The following CEP70 variants were observed in gnomAD, a reference collection of about 807,000 sequenced individuals.
CEP70 encodes the protein centrosomal protein 70.
In CEP70, 70 loss-of-function variants were observed where a neutral mutation model predicts 90.9. The observed-to-expected ratio is 0.77, with a 90% CI of 0.64 to 0.94. The LOEUF (loss-of-function observed/expected upper bound fraction) is 0.94, where lower values mean the gene tolerates loss of function less well. CEP70 is among the 40% of genes least tolerant of loss of function. The pLI is 0.00. For missense variants in CEP70, 648 were observed against 669.0 expected (o/e 0.97, Z 0.35); for synonymous variants, 220 against 228.3 (o/e 0.96, Z 0.33).
intron 3 of CEP70, 115 bp downstream of exon 3, chr3:138,572,744 T>C: frequency 1.3e-6 from 1 of 757,352 alleles, no homozygotes; most frequent in Non-Finnish European, 2.3e-6. Context: ...TAACCCAGCA[T>C]TTCCTAAAAT....
intron 6 of CEP70, among the ~76,000 whole-genome samples, chr3:138,565,510 A>G (rs2040718318): frequency 6.6e-6 from 1 of 152,226 alleles, no homozygotes; most frequent in African/African-American, 2.4e-5. Context: ...AATGGGACAG[A>G]ACAGAGGCCA....
At position 138,509,225 on chromosome 3, in the gene CEP70, C is replaced by T. The variant is rs142727706; in HGVS notation, c.945-681G>A. 1.6e-3 allele frequency among the ~76,000 whole-genome samples: 245 copies of T among 152,248 alleles called. 1 individual carries two copies. The highest frequency in any genetic ancestry group is 5.7e-3 in the African/African-American group (236 of 41,544). ...AAGGATGGAAGCGACTTCCATCCAA[C>T]GTGCTCCAAGATCACAGACTACAGA... On this transcript the variant is annotated intron_variant, in intron 11 of 17. Coordinates refer to ENST00000264982, the MANE Select transcript of CEP70 (RefSeq NM_024491.4).
chr3:138,515,705 CTATT>C (rs1229190260), intron 11 of CEP70, among the ~76,000 whole-genome samples: 1 of 152,144 alleles, frequency 6.6e-6, no homozygotes, highest in African/African-American at 2.4e-5. Flanking sequence ...AATATGGAAT[CTATT>C]AATAATGAAG....
At position 138,585,833 on chromosome 3, in the gene CEP70, A is replaced by C. The variant is rs373521943; in HGVS notation, c.-6+6021T>G. On this transcript the variant is annotated intron_variant, in intron 2 of 17. Coordinates refer to ENST00000264982, the MANE Select transcript of CEP70 (RefSeq NM_024491.4). ...GAATGGTGCTGGGATATCCATATGC[A>C]GAAGAATGGAACTAGACCCCTATCT... Among the ~76,000 whole-genome samples the C allele has an allele frequency of 3.3e-5, 5 of 152,310 alleles. No individual in the cohort carries two copies. The East Asian group carries it at 5.8e-4, about 18-fold the overall frequency.
chr3:138,560,617 T>C (rs115456392), intron 6 of CEP70, among the ~76,000 whole-genome samples: 1 of 152,162 alleles, frequency 6.6e-6, no homozygotes, highest in African/African-American at 2.4e-5. Context: ...AGCTAAGATA[T>C]GCTGGCTTGA....
At chr3:138,591,800 G>T in intron 2 of CEP70, 54 bp downstream of exon 2, 2 of 1,457,768 alleles carry the variant, frequency 1.4e-6, no homozygotes, top group Admixed American at 2.0e-5. Flanking sequence ...ATAAATATTA[G>T]ATTTTTTTCC....
At chr3:138,499,398 T>G (rs540314590) in intron 16 of CEP70, among the ~76,000 whole-genome samples, 16 of 152,186 alleles carry the variant, frequency 1.1e-4, no homozygotes, top group Non-Finnish European at 2.1e-4. Flanking sequence ...ATACTATTAA[T>G]GATTATTCAG....
chr3:138,565,576 C>T (rs1406494339), intron 6 of CEP70, among the ~76,000 whole-genome samples: 1 of 152,146 alleles, frequency 6.6e-6, no homozygotes, highest in African/African-American at 2.4e-5. Flanking sequence ...CTGACAAAAA[C>T]AAGAAATGGG....
At chr3:138,592,666 C>A (rs558865972) in intron 1 of CEP70, among the ~76,000 whole-genome samples, 1 of 151,980 alleles carries the variant, frequency 6.6e-6, no homozygotes, top group African/African-American at 2.4e-5. Flanking sequence ...CTAGGTTTCC[C>A]GAGTCTTTCA....
At chr3:138,508,966 C>T (rs1054834292) in intron 11 of CEP70, among the ~76,000 whole-genome samples, 1 of 152,100 alleles carries the variant, frequency 6.6e-6, no homozygotes, top group Non-Finnish European at 1.5e-5. Flanking sequence ...ATCTCCTGAC[C>T]TCGTGATCCA....
intron 13 of CEP70, among the ~76,000 whole-genome samples, chr3:138,502,384 T>C (rs552836149): frequency 2.0e-4 from 31 of 152,294 alleles, no homozygotes; most frequent in Admixed American, 7.2e-4. Flanking sequence ...TAACTTATTT[T>C]AGTACTTCAC....
intron 6 of CEP70, among the ~76,000 whole-genome samples, chr3:138,549,028 G>C (rs1045170854): frequency 1.3e-5 from 2 of 152,170 alleles, no homozygotes; most frequent in African/African-American, 2.4e-5. Context: ...TAAAGGGGTA[G>C]AGGAAGGAAT....
In CEP70 at chr3:138,565,518, C is replaced by T. The variant is rs142910730; in HGVS notation, c.465+4800G>A. Among the ~76,000 whole-genome samples, 439 of 152,172 alleles carry T rather than the reference C, an allele frequency of 2.9e-3. 4 individuals are homozygous for T. Among genetic ancestry groups the T allele is most frequent in the African/African-American group, 0.01 (423 of 41,512 alleles). Reference sequence around the variant, plus strand: ...ATAGATCAATGGGACAGAACAGAGGCCACAGAAATGACACCACACATCTAC... The same window carrying T: ...ATAGATCAATGGGACAGAACAGAGGTCACAGAAATGACACCACACATCTAC... On this transcript the variant is annotated intron_variant, in intron 6 of 17. Coordinates refer to ENST00000264982, the MANE Select transcript of CEP70 (RefSeq NM_024491.4).
In CEP70 at chr3:138,523,702, C is replaced by T. The variant is rs181161099; in HGVS notation, c.944+1788G>A. ...GGACCTCTTCAAGGAGAACTACCAA[C>T]CACTGCTCAATGAAATAAAAGAGGA... On this transcript the variant is annotated intron_variant, in intron 11 of 17. Transcript: ENST00000264982. Among the ~76,000 whole-genome samples, 473 of 152,232 alleles carry T rather than the reference C, an allele frequency of 3.1e-3. 4 individuals are homozygous for T. The highest frequency in any genetic ancestry group is 0.011 in the African/African-American group (450 of 41,524).
chr3:138,542,115 AG>A (rs1330372448), intron 6 of CEP70, among the ~76,000 whole-genome samples: 1 of 152,190 alleles, frequency 6.6e-6, no homozygotes, highest in African/African-American at 2.4e-5. Flanking sequence ...GGTGCAGAGC[AG>A]TGAGGGGTGT....
intron 6 of CEP70, among the ~76,000 whole-genome samples, chr3:138,552,387 C>T (rs1462851094): frequency 6.6e-6 from 1 of 152,144 alleles, no homozygotes. Context: ...TATTCATCAG[C>T]ATATGGAACT....
rs185219753 is a variant in CEP70, at chr3:138,545,418, C to T, written c.466-8071G>A. 6.6e-5 allele frequency among the ~76,000 whole-genome samples: 10 copies of T among 152,290 alleles called. No homozygotes were observed. The East Asian group carries it at 1.9e-3, about 29-fold the overall frequency. On this transcript the variant is annotated intron_variant, in intron 6 of 17. Coordinates refer to ENST00000264982, the MANE Select transcript of CEP70 (RefSeq NM_024491.4). ...CCTGTCTTTACTTTAATCTCTTAAT[C>T]CTGTTATCTTTGTAAGCTGAGAATG...
At chr3:138,510,856 CTTTTTTT>C (rs869032871) in intron 11 of CEP70, among the ~76,000 whole-genome samples, 1 of 107,032 alleles carries the variant, frequency 9.3e-6, no homozygotes, top group East Asian at 2.9e-4. Context: ...CTTTTTCCAT[CTTTTTTT>C]TTTTTTTTTT....
At chr3:138,508,826 C>T (rs958951400) in intron 11 of CEP70, among the ~76,000 whole-genome samples, 16 of 151,946 alleles carry the variant, frequency 1.1e-4, no homozygotes, top group Non-Finnish European at 1.9e-4. Context: ...CTCCGTCTCC[C>T]GGGTTCACAC....
Sources: gnomAD v4.1 joint callset for allele counts (sites outside exome capture counted in the v4.1 genomes callset) on GRCh38, gnomAD v4.1.1 for gene constraint, MANE v1.5 for transcripts, NCBI Gene and HGNC (gene_info 2026-07-23, HGNC 2026-07-21) for gene names.